The following HIPK2 variants were observed in gnomAD, a reference collection of about 807,000 sequenced individuals.
HIPK2 encodes homeodomain-interacting protein kinase 2.
HIPK2 carries 27 observed loss-of-function variants against 113.7 expected under a neutral mutation model. That is an observed-to-expected ratio of 0.24 (90% CI 0.17 to 0.33). The LOEUF (loss-of-function observed/expected upper bound fraction) is 0.33. Among genes scored for constraint, HIPK2 ranks in the 10% least tolerant of loss-of-function variants. HIPK2 has a pLI of 1.00. For synonymous variants in HIPK2, 631 were observed against 642.2 expected, an observed-to-expected ratio of 0.98 and a Z score of 0.26; for missense variants, 1,257 against 1,588.0, an observed-to-expected ratio of 0.79 and a Z score of 3.54.
Position 139,600,560 on chromosome 7 carries a change from G to T in HIPK2, c.2292C>A (p.Ile764=). The part of the protein sequence containing the change: ...THAHGSHYNP[I]MQQPALLTGH... ...CGGTCAATAGTGCAGGCTGCTGCAT[G>T]ATGGGATTATAATGGCTTCCGTGAG... The change falls in exon 11 of 15, where the codon ATC becomes ATA. Residue 764 remains isoleucine (I), a synonymous_variant. Coordinates refer to ENST00000406875, the MANE Select transcript of HIPK2 (RefSeq NM_022740.5). The T allele has an allele frequency of 6.2e-7, 1 of 1,613,998 alleles. No individual in the cohort carries two copies. The highest frequency in any genetic ancestry group is 8.5e-7 in the Non-Finnish European group (1 of 1,179,870).
At chr7:139,578,155 G>A (rs561339851) in intron 13 of HIPK2, among the ~76,000 whole-genome samples, 1 of 152,154 alleles carries the variant, frequency 6.6e-6, no homozygotes, top group South Asian at 2.1e-4. Context: ...GACTACAGGC[G>A]CCCACTGCCA....
chr7:139,695,268 C>T (rs1346554321), intron 2 of HIPK2, among the ~76,000 whole-genome samples: 1 of 152,236 alleles, frequency 6.6e-6, no homozygotes, highest in African/African-American at 2.4e-5. Flanking sequence ...CCCAGGGAGC[C>T]GTGGTCCTCG....
At chr7:139,587,145 C>T (rs1205462178) in intron 12 of HIPK2, among the ~76,000 whole-genome samples, 1 of 152,134 alleles carries the variant, frequency 6.6e-6, no homozygotes, top group Non-Finnish European at 1.5e-5. Context: ...GAATTGTACA[C>T]ATTCAACGGG....
intron 2 of HIPK2, among the ~76,000 whole-genome samples, chr7:139,633,290 A>T (rs1323307339): frequency 1.3e-5 from 2 of 151,854 alleles, no homozygotes; most frequent in Non-Finnish European, 2.9e-5. Flanking sequence ...TCTCTTGGTT[A>T]CCTTTCACAC....
At chr7:139,622,074 T>C (rs73156854) in intron 6 of HIPK2, among the ~76,000 whole-genome samples, 2,375 of 152,324 alleles carry the variant, frequency 0.016, 19 homozygotes, top group Middle Eastern at 0.037. Context: ...CGTGTACTAC[T>C]TCAGTACTCT....
chr7:139,663,887 G>A (rs910573679), intron 2 of HIPK2, among the ~76,000 whole-genome samples: 3 of 152,140 alleles, frequency 2.0e-5, no homozygotes, highest in Non-Finnish European at 2.9e-5. Context: ...GCCGGCCCAC[G>A]AGTCTTCCTT....
chr7:139,699,699 A>G (rs936674801), intron 2 of HIPK2, among the ~76,000 whole-genome samples: 3 of 152,086 alleles, frequency 2.0e-5, no homozygotes, highest in African/African-American at 7.3e-5. Flanking sequence ...TGGTGATCTT[A>G]GGAGATGACT....
At chr7:139,669,119 T>G (rs952039326) in intron 2 of HIPK2, among the ~76,000 whole-genome samples, 1 of 152,196 alleles carries the variant, frequency 6.6e-6, no homozygotes, top group Non-Finnish European at 1.5e-5. Flanking sequence ...ACCTAACAAC[T>G]ACATTCTAAA....
intron 6 of HIPK2, among the ~76,000 whole-genome samples, chr7:139,625,539 C>T (rs1382231371): frequency 6.6e-6 from 1 of 152,218 alleles, no homozygotes; most frequent in Admixed American, 6.5e-5. Context: ...CACTGTCTCA[C>T]CTACTGCCTT....
At chr7:139,636,366 T>C (rs1800814327) in intron 2 of HIPK2, among the ~76,000 whole-genome samples, 1 of 151,986 alleles carries the variant, frequency 6.6e-6, no homozygotes, top group Non-Finnish European at 1.5e-5. Flanking sequence ...ATAATTGTTA[T>C]GGGTTGAATT....
intron 2 of HIPK2, among the ~76,000 whole-genome samples, chr7:139,645,024 G>A (rs1447446404): frequency 1.3e-5 from 2 of 152,126 alleles, no homozygotes; most frequent in Non-Finnish European, 2.9e-5. Context: ...ATTTAGCTTC[G>A]ACTGGTTCAT....
chr7:139,723,656 A>G (rs1239941019), intron 1 of HIPK2, among the ~76,000 whole-genome samples: 1 of 152,084 alleles, frequency 6.6e-6, no homozygotes, highest in East Asian at 1.9e-4. Flanking sequence ...CCATTTCACC[A>G]CCCCTAAATA....
At chr7:139,642,722 C>CA (rs1801069100) in intron 2 of HIPK2, among the ~76,000 whole-genome samples, 1 of 152,046 alleles carries the variant, frequency 6.6e-6, no homozygotes, top group African/African-American at 2.4e-5. Flanking sequence ...GGCAGACAAG[C>CA]AAAAGGAAAA....
chr7:139,573,521 G>C, intron 14 of HIPK2, 124 bp from the exon 15 acceptor site: 2 of 879,084 alleles, frequency 2.3e-6, no homozygotes, highest in Non-Finnish European at 3.5e-6. Context: ...AATAGAAGGG[G>C]CTTCCCTCTG....
chr7:139,638,183 C>G (rs1002121508), intron 2 of HIPK2, among the ~76,000 whole-genome samples: 1 of 152,182 alleles, frequency 6.6e-6, no homozygotes, highest in African/African-American at 2.4e-5. Context: ...ATCACATGCT[C>G]TTCCATCTGG....
chr7:139,764,618 C>G (rs932290810), intron 1 of HIPK2, among the ~76,000 whole-genome samples: 1 of 152,028 alleles, frequency 6.6e-6, no homozygotes, highest in East Asian at 2.0e-4. Context: ...GGTCCAGTAG[C>G]TTGATGGCTT....
At chr7:139,598,304 AT>A (rs1290732648) in intron 11 of HIPK2, among the ~76,000 whole-genome samples, 2 of 152,246 alleles carry the variant, frequency 1.3e-5, no homozygotes, top group Non-Finnish European at 2.9e-5. Flanking sequence ...TAAAATGAAA[AT>A]AATTCAATAA....
chr7:139,616,022 C>T (rs1800030070), intron 7 of HIPK2, among the ~76,000 whole-genome samples: 1 of 152,108 alleles, frequency 6.6e-6, no homozygotes, highest in Admixed American at 6.6e-5. Context: ...GAGGCTTCTT[C>T]CCCCTCAACC....
intron 9 of HIPK2, among the ~76,000 whole-genome samples, chr7:139,608,406 T>C (rs114456718): frequency 0.03 from 4,498 of 149,616 alleles, 220 homozygotes; most frequent in African/African-American, 0.1. Context: ...TATATATTGT[T>C]ATGGGGAGGA....
Sources: allele counts gnomAD v4.1 joint callset (sites outside exome capture counted in the v4.1 genomes callset), GRCh38; gene constraint gnomAD v4.1.1; transcripts MANE v1.5; gene names NCBI Gene and HGNC (gene_info 2026-07-23, HGNC 2026-07-21).